The following ZNF711 variants were observed in gnomAD, a reference collection of about 807,000 sequenced individuals.
The protein encoded by ZNF711 is ZFX family zinc finger ZNF711, also known as zinc finger protein 711.
In ZNF711, 3 loss-of-function variants were observed where a neutral mutation model predicts 43.5. The observed-to-expected ratio is 0.07, with a 90% CI of 0.03 to 0.18. The LOEUF (loss-of-function observed/expected upper bound fraction) is 0.18, where lower values mean the gene tolerates loss of function less well. ZNF711 is among the 10% of genes least tolerant of loss of function. The pLI is 1.00. For synonymous variants in ZNF711, 209 were observed against 207.7 expected, an observed-to-expected ratio of 1.01 and a Z score of -0.06; for missense variants, 412 against 604.0, an observed-to-expected ratio of 0.68 and a Z score of 3.33.
intron 5 of ZNF711, among the ~76,000 whole-genome samples, chrX:85,258,893 C>T (rs770124220): frequency 9.0e-6 from 1 of 111,436 alleles, no homozygotes; most frequent in East Asian, 2.8e-4. Flanking sequence ...TTTTGCTGTG[C>T]AGAAGCTCTT....
intron 4 of ZNF711, among the ~76,000 whole-genome samples, chrX:85,248,685 G>C (rs1328269115): frequency 9.0e-6 from 1 of 110,619 alleles, no homozygotes; most frequent in East Asian, 2.8e-4. Context: ...TTGAAGATAA[G>C]ATTGGAGTGA....
chrX:85,250,320 C>G (rs1929450437), intron 4 of ZNF711, among the ~76,000 whole-genome samples: 1 of 111,349 alleles, frequency 9.0e-6, no homozygotes, highest in African/African-American at 3.3e-5. Flanking sequence ...TACCTATACA[C>G]AATTATAGCT....
intron 4 of ZNF711, among the ~76,000 whole-genome samples, chrX:85,249,521 C>T (rs1929358929): frequency 9.0e-6 from 1 of 111,174 alleles, no homozygotes; most frequent in South Asian, 3.8e-4. Flanking sequence ...CTGATTGGTG[C>T]TGGTGAATAT....
intron 5 of ZNF711, among the ~76,000 whole-genome samples, chrX:85,260,304 C>T (rs1381131623): frequency 9.5e-6 from 1 of 105,820 alleles, no homozygotes; most frequent in East Asian, 3.0e-4. Context: ...CTAGTATTTT[C>T]TTGAGGATTC....
chrX:85,258,160 A>G (rs1296489419), intron 5 of ZNF711, among the ~76,000 whole-genome samples: 1 of 112,452 alleles, frequency 8.9e-6, no homozygotes, highest in Non-Finnish European at 1.9e-5. Flanking sequence ...CAACGAGTGG[A>G]TAAAGAAAAT....
rs1251612627 is a variant in ZNF711 at position 85,264,316 on chromosome X, C to G, written c.664C>G (p.Pro222Ala). The G allele has an allele frequency of 8.3e-7, 1 of 1,201,815 alleles. No individual in the cohort carries two copies. The highest frequency in any genetic ancestry group is 1.1e-6 in the Non-Finnish European group (1 of 888,898). The part of the protein sequence containing the change: ...GEKLEHMGNT[P>A]LKIGSDGSQE... ...AAAATTAGAGCATATGGGGAATACA[C>G]CATTAAAAATTGGCAGTGATGGTTC... is the stretch of plus-strand genomic sequence containing the variant. Residue 222 changes from proline (P) to alanine (A), a missense_variant, in exon 6 of 11, where the codon CCA becomes GCA. This residue lies in a region of ZNF711 where 375 missense variants were observed against 514.2 expected (regional missense o/e 0.73). Transcript: ENST00000674551.
intron 9 of ZNF711, 37 bp from the exon 10 acceptor site, chrX:85,269,966 G>GT: frequency 8.3e-7 from 1 of 1,200,288 alleles, no homozygotes; most frequent in Non-Finnish European, 1.1e-6. Flanking sequence ...AAGTATAAAT[G>GT]TATGTGATTT....
chrX:85,259,834 A>C (rs1163786016), intron 5 of ZNF711, among the ~76,000 whole-genome samples: 3 of 111,321 alleles, frequency 2.7e-5, no homozygotes, highest in Non-Finnish European at 5.7e-5. Context: ...ATCATCAGCA[A>C]AGAGAGATAG....
Position 85,271,360 on chromosome X carries a change from G to A in ZNF711, c.1956G>A (p.Lys652=). 6 of 1,210,652 alleles carry A rather than the reference G, an allele frequency of 5.0e-6. No individual in the cohort carries two copies. Among genetic ancestry groups the A allele is most frequent in the Non-Finnish European group, 6.7e-6 (6 of 895,023 alleles). ...DHKSTNSSDL[K]RHIISVHTKD... ...AGAGCACCAATTCAAGTGACCTTAA[G>A]CGGCACATCATATCTGTCCATACTA... The change falls in exon 11 of 11, where the codon AAG becomes AAA. Residue 652 remains lysine (K), a synonymous_variant. Coordinates refer to ENST00000674551, the MANE Select transcript of ZNF711 (RefSeq NM_001330574.2).
At position 85,265,152 on chromosome X, in the gene ZNF711, C is replaced by T; in HGVS notation, c.813C>T (p.Thr271=). The part of the protein sequence containing the change: ...GTEIVTESEY[T]SGHSVAGVLD... ...AAATTGTCACAGAGAGTGAGTACAC[C>T]AGTGGACATTCAGTAGCTGGAGTGC... Residue 271 remains threonine, a synonymous_variant, in exon 7 of 11, where the codon ACC becomes ACT. Transcript: ENST00000674551. 1 of 1,207,757 alleles carries T rather than the reference C, an allele frequency of 8.3e-7. No individual in the cohort carries two copies. The highest frequency in any genetic ancestry group is 1.1e-6 in the Non-Finnish European group (1 of 892,956).
Position 85,272,357 on chromosome X carries a change from T to G in ZNF711, c.*529T>G, listed in dbSNP as rs1931629757. 1 of 115,615 alleles carries G rather than the reference T, an allele frequency of 8.6e-6. No individual in the cohort carries two copies. Among genetic ancestry groups the G allele is most frequent in the African/African-American group, 3.2e-5 (1 of 30,863 alleles). The allele number at this position is 115,615 out of a possible 1,213,427, so 9.5% of individuals were successfully genotyped here. On this transcript the variant is annotated 3_prime_UTR_variant, in exon 11 of 11. Coordinates refer to ENST00000674551, the MANE Select transcript of ZNF711 (RefSeq NM_001330574.2). ...GTGTATTCATTAAAAGAAAACTAAC[T>G]GGAAAACAGGTTAGATTAATTCAGT... is the stretch of plus-strand genomic sequence containing the variant.
intron 1 of ZNF711, chrX:85,245,005 C>G (rs1223700521): frequency 8.9e-6 from 1 of 112,038 alleles, no homozygotes; most frequent in Non-Finnish European, 1.9e-5. Flanking sequence ...TCAGAGGGCA[C>G]GTGTGTGCAT....
At chrX:85,263,062 A>G (rs979219080) in intron 5 of ZNF711, among the ~76,000 whole-genome samples, 2 of 110,489 alleles carry the variant, frequency 1.8e-5, no homozygotes, top group Non-Finnish European at 3.8e-5. Flanking sequence ...ACATATATAT[A>G]ATAAGGAGGA....
intron 4 of ZNF711, among the ~76,000 whole-genome samples, chrX:85,248,722 C>T (rs776606237): frequency 1.8e-5 from 2 of 110,703 alleles, no homozygotes; most frequent in African/African-American, 3.3e-5. Context: ...TGGTGAACTG[C>T]GATAAAAGAA....
intron 5 of ZNF711, among the ~76,000 whole-genome samples, chrX:85,257,585 A>G (rs1258746454): frequency 1.8e-5 from 2 of 112,106 alleles, no homozygotes; most frequent in Non-Finnish European, 3.8e-5. Context: ...ATGGGCACCT[A>G]GGTTGATTCC....
chrX:85,266,246 C>G (rs1931083668), intron 7 of ZNF711, among the ~76,000 whole-genome samples: 1 of 111,297 alleles, frequency 9.0e-6, no homozygotes, highest in Admixed American at 9.6e-5. Context: ...AATTCCACCC[C>G]CAAACAGCTG....
chrX:85,268,167 A>AT (rs35513621), intron 8 of ZNF711, 127 bp from the exon 9 acceptor site: 17 of 836,507 alleles, frequency 2.0e-5, no homozygotes, highest in Admixed American at 7.3e-5. Context: ...GAACACAACA[A>AT]TTTTTTTTAA....
At chrX:85,266,935 G>T (rs781601487) in intron 7 of ZNF711, among the ~76,000 whole-genome samples, 2 of 105,758 alleles carry the variant, frequency 1.9e-5, no homozygotes, top group South Asian at 8.3e-4. Flanking sequence ...ATTTCTATGA[G>T]AAATATTTTC....
chrX:85,253,413 C>T (rs1292843699), intron 4 of ZNF711, among the ~76,000 whole-genome samples: 6 of 111,356 alleles, frequency 5.4e-5, no homozygotes, highest in Admixed American at 3.8e-4. Context: ...TATCCTTTTA[C>T]GTTTTTGTGC....
Sources: gnomAD v4.1 joint callset for allele counts (sites outside exome capture counted in the v4.1 genomes callset) on GRCh38, gnomAD v4.1.1 for gene constraint, gnomAD v4.1.1 regional missense constraint, MANE v1.5 for transcripts, NCBI Gene and HGNC (gene_info 2026-07-23, HGNC 2026-07-21) for gene names.